PKHD1: variants seen among roughly 807,000 people sequenced by gnomAD.
PKHD1 encodes the protein fibrocystin.
In PKHD1, 291 loss-of-function variants were observed where a neutral mutation model predicts 412.0. That is an observed-to-expected ratio of 0.71 (90% confidence interval 0.64 to 0.78). The LOEUF is 0.78. PKHD1 is among the 30% of genes least tolerant of loss of function. The pLI is 0.00. For missense variants in PKHD1, 4,825 were observed against 4,950.7 expected, an observed-to-expected ratio of 0.97 and a Z score of 0.76; for synonymous variants, 1,777 against 1,821.5, an observed-to-expected ratio of 0.98 and a Z score of 0.62.
chr6:51,739,720 A>G (rs1784323473), intron 60 of PKHD1, among the ~76,000 whole-genome samples: 1 of 152,234 alleles, frequency 6.6e-6, no homozygotes, highest in African/African-American at 2.4e-5. Context: ...TGAAAATGCC[A>G]ATTTCAGCGT....
At chr6:52,060,252 T>C (rs1456116223) in intron 14 of PKHD1, among the ~76,000 whole-genome samples, 3 of 152,198 alleles carry the variant, frequency 2.0e-5, no homozygotes, top group African/African-American at 4.8e-5. Flanking sequence ...TGGACACAAA[T>C]ACCCTTGCTG....
chr6:51,812,070 G>T (rs1343483944), intron 52 of PKHD1, among the ~76,000 whole-genome samples: 1 of 152,176 alleles, frequency 6.6e-6, no homozygotes, highest in East Asian at 1.9e-4. Flanking sequence ...ATGGAGGCCA[G>T]CATGGAGAGA....
chr6:51,870,677 GA>G, intron 46 of PKHD1, 38 bp from the exon 47 acceptor site: 1 of 1,533,232 alleles, frequency 6.5e-7, no homozygotes, highest in Non-Finnish European at 9.0e-7. Context: ...AGCAAAATAA[GA>G]AAACTGGACA....
chr6:51,676,616 A>G (rs1231713397), intron 60 of PKHD1, among the ~76,000 whole-genome samples: 1 of 152,188 alleles, frequency 6.6e-6, no homozygotes, highest in African/African-American at 2.4e-5. Context: ...TTTGATTTCT[A>G]ATTTAACAAA....
At chr6:51,743,203 A>G (rs1360742887) in intron 60 of PKHD1, among the ~76,000 whole-genome samples, 1 of 152,114 alleles carries the variant, frequency 6.6e-6, no homozygotes, top group Non-Finnish European at 1.5e-5. Flanking sequence ...AAGAAAGAAG[A>G]CCAGCAAGGA....
In PKHD1 at chr6:51,775,675, A is replaced by G. The variant is rs112296015; in HGVS notation, c.8554+133T>C. The G allele has an allele frequency of 4.8e-4, 295 of 609,780 alleles. 1 individual carries two copies. The Middle Eastern group carries it at 6.3e-3, about 13-fold the overall frequency. 37.8% of individuals were successfully genotyped at this position (609,780 alleles called of 1,614,324 possible). A position where few individuals can be genotyped will look rare whatever the true frequency, so the allele number is the denominator to read the frequency against. On this transcript the variant is annotated intron_variant, in intron 54 of 66. Transcript: ENST00000371117. Reference sequence around the variant, plus strand: ...CACAAGAGAGCTGGTAAGTGAAATAATAAATATAAATTGCCTAAAAGGGTG... The same window carrying G: ...CACAAGAGAGCTGGTAAGTGAAATAGTAAATATAAATTGCCTAAAAGGGTG...
chr6:51,791,400 A>T, intron 52 of PKHD1, 27 bp from the exon 53 acceptor site: 1 of 1,610,206 alleles, frequency 6.2e-7, no homozygotes, highest in Non-Finnish European at 8.5e-7. Flanking sequence ...AATTGCTCAG[A>T]TATGTCACAA....
Position 51,712,453 on chromosome 6 carries a change from T to C in PKHD1, c.10156+31932A>G, listed in dbSNP as rs182261697. ...CAGGTTGACCATGAATTTAAACCAT[T>C]TCTTGTATACCCTTTTATCCATACT... is the stretch of plus-strand genomic sequence containing the variant. On this transcript the variant is annotated intron_variant, in intron 60 of 66. Coordinates refer to ENST00000371117, the MANE Select transcript of PKHD1 (RefSeq NM_138694.4). Among the ~76,000 whole-genome samples the C allele has an allele frequency of 2.6e-5, 4 of 152,314 alleles. No homozygotes were observed. In the East Asian group the frequency reaches 7.7e-4, roughly 29 times the overall value.
intron 60 of PKHD1, among the ~76,000 whole-genome samples, chr6:51,675,647 G>A (rs1338732330): frequency 1.3e-5 from 2 of 152,104 alleles, no homozygotes; most frequent in Non-Finnish European, 2.9e-5. Context: ...GGAAAAAAGC[G>A]AGATCTGGCC....
intron 35 of PKHD1, among the ~76,000 whole-genome samples, chr6:51,982,616 C>T (rs1418153616): frequency 6.8e-6 from 1 of 148,114 alleles, no homozygotes; most frequent in African/African-American, 2.5e-5. Flanking sequence ...AGGCAGCATG[C>T]TCGTCAAGAG....
chr6:51,983,241 G>C (rs1327498650), intron 35 of PKHD1, among the ~76,000 whole-genome samples: 3 of 152,200 alleles, frequency 2.0e-5, no homozygotes, highest in Non-Finnish European at 4.4e-5. Context: ...ACCTACAGAG[G>C]TGAGAACTGC....
chr6:51,854,710 G>A (rs1772961633), intron 49 of PKHD1, among the ~76,000 whole-genome samples: 1 of 152,254 alleles, frequency 6.6e-6, no homozygotes. Context: ...CACTCTGGCT[G>A]CAGACAGCCA....
At chr6:51,672,030 G>A (rs967055704) in intron 60 of PKHD1, among the ~76,000 whole-genome samples, 1 of 152,200 alleles carries the variant, frequency 6.6e-6, no homozygotes, top group Non-Finnish European at 1.5e-5. Flanking sequence ...TCTCATGTAT[G>A]AGCTGTAATA....
intron 52 of PKHD1, among the ~76,000 whole-genome samples, chr6:51,802,102 T>C (rs574316914): frequency 1.3e-5 from 2 of 152,302 alleles, no homozygotes; most frequent in African/African-American, 4.8e-5. Context: ...TTTATTATTA[T>C]TGTTTTAAAT....
At chr6:51,632,762 A>G (rs1768082423) in intron 64 of PKHD1, 39 bp from the exon 65 acceptor site, 1 of 1,524,886 alleles carries the variant, frequency 6.6e-7, no homozygotes, top group African/African-American at 1.4e-5. Context: ...TGATATGTTA[A>G]TAAGATGCTA....
intron 37 of PKHD1, among the ~76,000 whole-genome samples, chr6:51,931,908 GAGA>G (rs949706851): frequency 2.0e-5 from 3 of 150,374 alleles, no homozygotes; most frequent in East Asian, 2.2e-4. Flanking sequence ...AGAGAGGAGG[GAGA>G]AGGAGAATAA....
intron 36 of PKHD1, among the ~76,000 whole-genome samples, chr6:51,955,012 T>A (rs1417504003): frequency 6.6e-6 from 1 of 152,078 alleles, no homozygotes; most frequent in Non-Finnish European, 1.5e-5. Flanking sequence ...TGGCTCATCA[T>A]AATTACTTGG....
chr6:51,887,078 G>A (rs1028819170), intron 44 of PKHD1, 55 bp downstream of exon 44: 1 of 1,100,116 alleles, frequency 9.1e-7, no homozygotes, highest in African/African-American at 1.5e-5. Flanking sequence ...GCATTCTACA[G>A]TAAAATGTGA....
intron 48 of PKHD1, among the ~76,000 whole-genome samples, chr6:51,861,064 C>T (rs1414122631): frequency 6.6e-6 from 1 of 152,184 alleles, no homozygotes; most frequent in Non-Finnish European, 1.5e-5. Flanking sequence ...CCACCCGCCT[C>T]AGCCTCCCAA....
Sources: gnomAD v4.1 joint callset for allele counts (sites outside exome capture counted in the v4.1 genomes callset) on GRCh38, gnomAD v4.1.1 for gene constraint, MANE v1.5 for transcripts, NCBI Gene and HGNC (gene_info 2026-07-23, HGNC 2026-07-21) for gene names.